FRMD4A: variants seen among roughly 807,000 people sequenced by gnomAD.
FRMD4A encodes the protein FERM domain containing 4A.
Under a neutral mutation model 129.1 loss-of-function variants are expected in FRMD4A, and 29 were observed. The ratio of observed to expected loss-of-function variants is 0.22; its 90% CI spans 0.17 to 0.31. The LOEUF (loss-of-function observed/expected upper bound fraction) is 0.31. FRMD4A is among the 10% of genes least tolerant of loss of function. The pLI, the probability that FRMD4A is intolerant of heterozygous loss-of-function variation, is 1.00. For synonymous variants in FRMD4A, 634 were observed against 571.6 expected, an observed-to-expected ratio of 1.11 and a Z score of -1.56; for missense variants, 1,272 against 1,375.8, an observed-to-expected ratio of 0.92 and a Z score of 1.19.
intron 2 of FRMD4A, among the ~76,000 whole-genome samples, chr10:13,956,880 G>C (rs145721626): frequency 6.6e-6 from 1 of 152,162 alleles, no homozygotes; most frequent in East Asian, 1.9e-4. Context: ...TCCTGGGAAG[G>C]GGGAAAGTGT....
At chr10:13,656,611 C>T (rs2082171282) in intron 22 of FRMD4A, 25 bp downstream of exon 22, 2 of 1,378,532 alleles carry the variant, frequency 1.5e-6, no homozygotes, top group South Asian at 1.9e-5. Flanking sequence ...GGTCTTCCCG[C>T]GTGCACCTGG....
intron 2 of FRMD4A, among the ~76,000 whole-genome samples, chr10:14,032,609 G>A (rs976939071): frequency 1.3e-5 from 2 of 152,206 alleles, no homozygotes; most frequent in African/African-American, 2.4e-5. Flanking sequence ...CACTTCCAGT[G>A]AAGGCCACCA....
chr10:13,735,506 C>T (rs1269046722), intron 12 of FRMD4A, among the ~76,000 whole-genome samples: 1 of 152,154 alleles, frequency 6.6e-6, no homozygotes, highest in African/African-American at 2.4e-5. Context: ...ATTGACTGAG[C>T]CCTAGCTATG....
chr10:13,784,686 T>C (rs528662961), intron 5 of FRMD4A, among the ~76,000 whole-genome samples: 79 of 152,252 alleles, frequency 5.2e-4, no homozygotes, highest in African/African-American at 1.8e-3. Context: ...TGGTAAAAGA[T>C]AAAAGGATTT....
rs147080415 is a variant in FRMD4A at position 14,048,824 on chromosome 10, T to TTAGAATAGAATAGAA, written c.46-189927_46-189913dup. On this transcript the variant is annotated intron_variant, in intron 2 of 24. Coordinates refer to ENST00000357447, the MANE Select transcript of FRMD4A (RefSeq NM_018027.5). ...CTTGTCTCAAATAAAATAGAATAGATTAGAATAGAATAGAATAGAATAGAA... is the reference window on the plus strand; with the variant it reads ...CTTGTCTCAAATAAAATAGAATAGATTAGAATAGAATAGAATAGAATAGAATAGAATAGAATAGAA... Among the ~76,000 whole-genome samples the TTAGAATAGAATAGAA allele has an allele frequency of 1.1e-3, 135 of 122,064 alleles. 2 individuals carry two copies. Among genetic ancestry groups the TTAGAATAGAATAGAA allele is most frequent in the East Asian group, 4.3e-3 (17 of 3,924 alleles). The allele number at this position is 122,064 out of a possible 152,430, so 80.1% of individuals were successfully genotyped here. A position where few individuals can be genotyped will look rare whatever the true frequency, so the allele number is the denominator to read the frequency against.
At chr10:14,116,243 G>A (rs532362102) in intron 2 of FRMD4A, among the ~76,000 whole-genome samples, 11 of 152,180 alleles carry the variant, frequency 7.2e-5, no homozygotes, top group Non-Finnish European at 1.6e-4. Context: ...ACAGGGACAT[G>A]TTTCACTTCA....
chr10:13,952,939 C>T (rs539994332), intron 2 of FRMD4A, among the ~76,000 whole-genome samples: 2 of 152,100 alleles, frequency 1.3e-5, no homozygotes, highest in Non-Finnish European at 2.9e-5. Flanking sequence ...TCAGATGATC[C>T]ACCCGCCTCA....
chr10:13,763,082 T>C (rs560578295), intron 6 of FRMD4A, among the ~76,000 whole-genome samples: 1 of 152,286 alleles, frequency 6.6e-6, no homozygotes, highest in East Asian at 1.9e-4. Flanking sequence ...CACCCTGAAT[T>C]ATTCAGTCCT....
intron 2 of FRMD4A, among the ~76,000 whole-genome samples, chr10:13,947,099 C>T (rs2095337525): frequency 6.6e-6 from 1 of 152,050 alleles, no homozygotes; most frequent in South Asian, 2.1e-4. Flanking sequence ...AATCTAACCA[C>T]CTGAAAGGAA....
At chr10:14,236,226 T>G (rs1004274404) in intron 2 of FRMD4A, among the ~76,000 whole-genome samples, 1 of 152,236 alleles carries the variant, frequency 6.6e-6, no homozygotes, top group Non-Finnish European at 1.5e-5. Context: ...TTATAGGTCT[T>G]TAGGAGGACT....
intron 15 of FRMD4A, chr10:13,684,219 T>C (rs1367225182): frequency 1.3e-5 from 7 of 533,886 alleles, no homozygotes; most frequent in African/African-American, 4.1e-5. Flanking sequence ...AGGATTTTCA[T>C]TGAACTAGTT....
At chr10:14,162,461 G>A (rs1261708007) in intron 2 of FRMD4A, among the ~76,000 whole-genome samples, 1 of 152,220 alleles carries the variant, frequency 6.6e-6, no homozygotes, top group African/African-American at 2.4e-5. Context: ...TGCAGCGAAA[G>A]CTGATGGTCA....
intron 2 of FRMD4A, among the ~76,000 whole-genome samples, chr10:14,036,246 A>G (rs578048941): frequency 1.3e-5 from 2 of 152,254 alleles, no homozygotes; most frequent in South Asian, 4.1e-4. Flanking sequence ...TCCAAATGGT[A>G]CAGTAAGTGA....
intron 2 of FRMD4A, among the ~76,000 whole-genome samples, chr10:13,957,952 C>T (rs1243698473): frequency 6.6e-6 from 1 of 152,086 alleles, no homozygotes; most frequent in Non-Finnish European, 1.5e-5. Flanking sequence ...AAACCCTCCC[C>T]TCTCTAAGAG....
rs183896888 is a variant in FRMD4A at position 13,684,400 on chromosome 10, C to T, written c.1118-9356G>A. 3.0e-6 allele frequency: 3 copies of T among 985,106 alleles called. No individual in the cohort carries two copies. The Admixed American group carries it at 1.8e-4, about 61-fold the overall frequency. The allele number at this position is 985,106 out of a possible 1,614,324, so 61.0% of individuals were successfully genotyped here. ...CCGATGCTATGAACATTGTTTGAGA[C>T]CCTGGAGACACTGCCTGTGTCACTG... On this transcript the variant is annotated intron_variant, in intron 15 of 24. Coordinates refer to ENST00000357447, the MANE Select transcript of FRMD4A (RefSeq NM_018027.5).
intron 5 of FRMD4A, among the ~76,000 whole-genome samples, chr10:13,784,319 T>C (rs2092803943): frequency 6.6e-6 from 1 of 152,192 alleles, no homozygotes; most frequent in Non-Finnish European, 1.5e-5. Flanking sequence ...CTTCAGACCG[T>C]AAAAGAAGAA....
intron 2 of FRMD4A, among the ~76,000 whole-genome samples, chr10:14,125,741 G>A (rs570949041): frequency 4.9e-5 from 7 of 143,408 alleles, no homozygotes; most frequent in Admixed American, 2.0e-4. Context: ...ACACACACAC[G>A]TGCACACTCA....
chr10:14,253,193 A>T (rs930919219), intron 2 of FRMD4A, among the ~76,000 whole-genome samples: 13 of 152,218 alleles, frequency 8.5e-5, no homozygotes, highest in Non-Finnish European at 1.9e-4. Flanking sequence ...GTTTTTGTCC[A>T]TGCTCTGGTC....
At chr10:14,227,872 G>C (rs1843499183) in intron 2 of FRMD4A, among the ~76,000 whole-genome samples, 1 of 151,692 alleles carries the variant, frequency 6.6e-6, no homozygotes, top group African/African-American at 2.4e-5. Context: ...AAAGTTTTCT[G>C]GCCAGAATTT....
Sources: allele counts gnomAD v4.1 joint callset (sites outside exome capture counted in the v4.1 genomes callset), GRCh38; gene constraint gnomAD v4.1.1; transcripts MANE v1.5; gene names NCBI Gene and HGNC (gene_info 2026-07-23, HGNC 2026-07-21).